The following DST variants were observed in gnomAD, a reference collection of about 807,000 sequenced individuals.
DST encodes dystonin, also known as bullous pemphigoid antigen.
A neutral mutation model predicts 875.2 loss-of-function variants in DST; 253 were observed. That is an observed-to-expected ratio of 0.29 (90% CI 0.26 to 0.32). DST has a LOEUF of 0.32. DST is among the 10% of genes least tolerant of loss of function. DST has a pLI of 1.00. For synonymous variants in DST, 3,124 were observed against 3,197.1 expected (o/e 0.98, Z 0.77); for missense variants, 8,287 against 9,111.6 (o/e 0.91, Z 3.68).
chr6:56,677,868 A>G (rs2099138257), intron 9 of DST, among the ~76,000 whole-genome samples: 1 of 152,156 alleles, frequency 6.6e-6, no homozygotes, highest in African/African-American at 2.4e-5. Flanking sequence ...TTCCAAAAAT[A>G]TCTACCCCAT....
chr6:56,726,140 A>G (rs1263411885), intron 5 of DST, among the ~76,000 whole-genome samples: 1 of 152,154 alleles, frequency 6.6e-6, no homozygotes, highest in Non-Finnish European at 1.5e-5. Context: ...ACAACACAGT[A>G]ATTTCTTCTA....
chr6:56,767,786 G>A (rs1358242554), intron 4 of DST, among the ~76,000 whole-genome samples: 1 of 152,130 alleles, frequency 6.6e-6, no homozygotes, highest in Non-Finnish European at 1.5e-5. Flanking sequence ...AAAATGATCA[G>A]AGAGTCCCCA....
At chr6:56,903,017 TTGAAGAC>T (rs1345669502) in intron 2 of DST, among the ~76,000 whole-genome samples, 1 of 151,850 alleles carries the variant, frequency 6.6e-6, no homozygotes, top group African/African-American at 2.4e-5. Context: ...TTTCTACACT[TTGAAGAC>T]TAAGAATCTC....
At position 56,617,890 on chromosome 6, in the gene DST, C is replaced by T. The variant is rs1586778312; in HGVS notation, c.4930-3406G>A. 4 of 1,063,122 alleles carry T rather than the reference C, an allele frequency of 3.8e-6. No homozygotes were observed. The East Asian group carries it at 9.5e-5, about 25-fold the overall frequency. The allele number at this position is 1,063,122 out of a possible 1,614,324, so 65.9% of individuals were successfully genotyped here. Reference sequence around the variant, plus strand: ...AGAACTACAATGAGCCAATCACATTCAAAATTGTTTTAAAAATTTAGTCTA... The same window carrying T: ...AGAACTACAATGAGCCAATCACATTTAAAATTGTTTTAAAAATTTAGTCTA... On this transcript the variant is annotated intron_variant, in intron 36 of 103. Transcript: ENST00000680361.
At chr6:56,825,715 T>C (rs2099779636) in intron 4 of DST, among the ~76,000 whole-genome samples, 1 of 152,166 alleles carries the variant, frequency 6.6e-6, no homozygotes, top group African/African-American at 2.4e-5. Context: ...AGTTGTACTA[T>C]ATAGGACTAA....
chr6:56,597,013 G>T (rs1352353957), intron 47 of DST, among the ~76,000 whole-genome samples: 5 of 152,126 alleles, frequency 3.3e-5, no homozygotes, highest in Non-Finnish European at 7.4e-5. Context: ...GAGGATGTGG[G>T]CGGAATGCTT....
At chr6:56,616,581 T>G in intron 36 of DST, 1 of 1,614,030 alleles carries the variant, frequency 6.2e-7, no homozygotes, top group East Asian at 2.2e-5. Context: ...TGCTTGTTAT[T>G]GGGATTAGGG....
intron 3 of DST, among the ~76,000 whole-genome samples, chr6:56,874,809 C>T (rs1168479492): frequency 6.6e-6 from 1 of 152,294 alleles, no homozygotes; most frequent in African/African-American, 2.4e-5. Context: ...AAAACTAACA[C>T]CCTTGAAAGG....
At chr6:56,579,116 A>C (rs2097918624) in intron 49 of DST, among the ~76,000 whole-genome samples, 179 bp from the exon 50 acceptor site, 1 of 152,268 alleles carries the variant, frequency 6.6e-6, no homozygotes, top group Non-Finnish European at 1.5e-5. Context: ...ATAAAGCAGC[A>C]TTAGCAAAAG....
In DST at chr6:56,639,630, T is replaced by A; in HGVS notation, c.2698-19A>T. 6.2e-7 allele frequency: 1 copy of A among 1,613,566 alleles called. No individual in the cohort carries two copies. On this transcript the variant is annotated intron_variant, in intron 20 of 103. Transcript: ENST00000680361. ...ATGTATTCTTTAGTAAGGAAAATCA[T>A]CATAAGAATCATGTTTTTGCCAAAT...
At chr6:56,688,280 G>A (rs911476563) in intron 9 of DST, among the ~76,000 whole-genome samples, 1 of 152,172 alleles carries the variant, frequency 6.6e-6, no homozygotes, top group African/African-American at 2.4e-5. Flanking sequence ...GATCTGTGGA[G>A]CAAGGCTAAA....
At chr6:56,646,618 C>CAA (rs35683584) in intron 13 of DST, among the ~76,000 whole-genome samples, 1 of 142,834 alleles carries the variant, frequency 7.0e-6, no homozygotes. Context: ...TTCTATCCTT[C>CAA]AAAAAAAAAA....
intron 69 of DST, among the ~76,000 whole-genome samples, chr6:56,524,917 T>C (rs1252639694): frequency 1.4e-5 from 1 of 73,284 alleles, no homozygotes; most frequent in Non-Finnish European, 2.7e-5. Flanking sequence ...GGACTAATTC[T>C]ATCAGAAAAA....
chr6:56,692,736 A>G, intron 9 of DST: 4 of 1,289,442 alleles, frequency 3.1e-6, no homozygotes, highest in Non-Finnish European at 4.0e-6. Flanking sequence ...CATCCAGTTC[A>G]CTAACTTTTA....
At chr6:56,695,126 C>CAAAAAAAAAAAAAAAAAAAAA (rs34456344) in intron 9 of DST, among the ~76,000 whole-genome samples, 2 of 70,096 alleles carry the variant, frequency 2.9e-5, no homozygotes, top group African/African-American at 1.1e-4. Flanking sequence ...GACTCCCTCT[C>CAAAAAAAAAAAAAAAAAAAAA]AAAAAAAAAA....
At chr6:56,511,537 G>T in intron 72 of DST, 137 bp from the exon 73 acceptor site, 1 of 659,016 alleles carries the variant, frequency 1.5e-6, no homozygotes, top group Non-Finnish European at 2.6e-6. Context: ...ACACATGATG[G>T]CTCATACAGC....
At chr6:56,687,663 C>G (rs2099197068) in intron 9 of DST, among the ~76,000 whole-genome samples, 1 of 151,976 alleles carries the variant, frequency 6.6e-6, no homozygotes, top group African/African-American at 2.4e-5. Flanking sequence ...TTGAATTTGT[C>G]AACACAGGCA....
chr6:56,694,774 C>G (rs2099253789), intron 9 of DST, among the ~76,000 whole-genome samples: 2 of 152,012 alleles, frequency 1.3e-5, no homozygotes, highest in South Asian at 4.1e-4. Context: ...ACAGGGGCGG[C>G]TCCCTCATGA....
intron 3 of DST, among the ~76,000 whole-genome samples, chr6:56,859,225 G>A (rs1360940156): frequency 1.3e-5 from 2 of 152,188 alleles, no homozygotes; most frequent in Non-Finnish European, 2.9e-5. Context: ...AAGGGACCAA[G>A]CCTTCACTTA....
Sources: gnomAD v4.1 joint callset for allele counts (sites outside exome capture counted in the v4.1 genomes callset) on GRCh38, gnomAD v4.1.1 for gene constraint, MANE v1.5 for transcripts, NCBI Gene and HGNC (gene_info 2026-07-23, HGNC 2026-07-21) for gene names.